The following SMG1 variants were observed in gnomAD, a reference collection of about 807,000 sequenced individuals.
SMG1 encodes serine/threonine-protein kinase SMG1.
Under a neutral mutation model 419.9 loss-of-function variants are expected in SMG1, and 22 were observed. The ratio of observed to expected loss-of-function variants is 0.05; its 90% CI spans 0.04 to 0.07. SMG1 has a LOEUF of 0.07. Among genes scored for constraint, SMG1 ranks in the 10% least tolerant of loss-of-function variants. The probability of loss-of-function intolerance (pLI) is 1.00; values close to 1 mark genes in which losing one functional copy is unlikely to be tolerated. For synonymous variants in SMG1, 1,538 were observed against 1,553.5 expected (o/e 0.99, Z 0.23); for missense variants, 3,185 against 4,342.0 (o/e 0.73, Z 7.49).
intron 62 of SMG1, 113 bp downstream of exon 62, chr16:18,811,648 A>G: frequency 1.0e-6 from 1 of 968,204 alleles, no homozygotes; most frequent in East Asian, 2.4e-5. Flanking sequence ...AATCCTGAAA[A>G]CACATTTAAG....
At chr16:18,837,516 T>C (rs1290803657) in intron 45 of SMG1, 73 bp from the exon 46 acceptor site, 2 of 1,293,768 alleles carry the variant, frequency 1.5e-6, no homozygotes, top group African/African-American at 1.5e-5. Context: ...CAGAAGAACA[T>C]TTTGCACATC....
At chr16:18,812,757 G>C (rs1410863378) in intron 60 of SMG1, among the ~76,000 whole-genome samples, 1 of 151,960 alleles carries the variant, frequency 6.6e-6, no homozygotes, top group Non-Finnish European at 1.5e-5. Context: ...TGCCATGTTG[G>C]TGTGCTGCAC....
intron 3 of SMG1, among the ~76,000 whole-genome samples, chr16:18,895,472 G>A (rs1246653052): frequency 7.0e-6 from 1 of 143,046 alleles, no homozygotes; most frequent in African/African-American, 2.6e-5. Context: ...GAGCAAGACT[G>A]TCTCAAAAAA....
chr16:18,829,557 C>G lies in SMG1; in HGVS notation c.9332G>C (p.Ser3111Thr), dbSNP rs2033015821. 6.2e-7 allele frequency: 1 copy of G among 1,613,904 alleles called. No homozygotes were observed. The highest frequency in any genetic ancestry group is 8.5e-7 in the Non-Finnish European group (1 of 1,179,900). Residue 3111 changes from serine to threonine, a missense_variant, in exon 54 of 63, where the codon AGT becomes ACT. Physicochemically the swap from Ser to Thr is moderately conservative, Grantham distance 58. Around this residue, in one of 27 missense-constraint regions of SMG1, gnomAD observed 737 missense variants for 846.6 expected, o/e 0.87. Coordinates refer to ENST00000446231, the MANE Select transcript of SMG1 (RefSeq NM_015092.5). ...ALGLTLCSFISALGVDIIAQV... is the reference protein window; with the variant it reads ...ALGLTLCSFITALGVDIIAQV... Reference sequence around the variant, plus strand: ...AGCAATGATGTCTACACCCAGAGCACTGATAAAACTGCACAGTGTGAGTCC... The same window carrying G: ...AGCAATGATGTCTACACCCAGAGCAGTGATAAAACTGCACAGTGTGAGTCC...
At chr16:18,811,740 C>A (rs367911681) in intron 62 of SMG1, 21 bp downstream of exon 62, 32 of 1,604,452 alleles carry the variant, frequency 2.0e-5, no homozygotes, top group Non-Finnish European at 2.6e-5. Context: ...AATGTGTAGC[C>A]CAAGTTTAAA....
intron 1 of SMG1, among the ~76,000 whole-genome samples, chr16:18,912,438 A>G (rs2037830612): frequency 6.6e-6 from 1 of 152,070 alleles, no homozygotes; most frequent in Admixed American, 6.6e-5. Flanking sequence ...ATCATACTAC[A>G]TTACACACAT....
intron 20 of SMG1, among the ~76,000 whole-genome samples, 153 bp from the exon 21 acceptor site, chr16:18,868,872 T>C (rs1388581873): frequency 2.0e-5 from 3 of 152,202 alleles, no homozygotes; most frequent in African/African-American, 7.2e-5. Context: ...TCTTTCATTT[T>C]AGGGGAAAGA....
At chr16:18,910,588 C>T (rs1193633792) in intron 1 of SMG1, among the ~76,000 whole-genome samples, 1 of 151,978 alleles carries the variant, frequency 6.6e-6, no homozygotes, top group African/African-American at 2.4e-5. Context: ...TGGTCTCCAA[C>T]TCCTGGGCTC....
intron 23 of SMG1, among the ~76,000 whole-genome samples, chr16:18,865,533 A>G (rs900111598): frequency 1.5e-5 from 2 of 133,278 alleles, no homozygotes; most frequent in Non-Finnish European, 3.0e-5. Context: ...ATTAAGTGCT[A>G]CGGTACATTT....
chr16:18,876,419 T>C (rs531493824), intron 12 of SMG1, 26 bp from the exon 13 acceptor site: 8 of 1,564,930 alleles, frequency 5.1e-6, no homozygotes, highest in Non-Finnish European at 6.9e-6. Flanking sequence ...TTCAAGGAAG[T>C]GATAAATGGA....
chr16:18,925,198 T>C (rs1019015943), intron 1 of SMG1: 7 of 152,342 alleles, frequency 4.6e-5, no homozygotes, highest in Admixed American at 2.0e-4. Flanking sequence ...ATGTTCCTAA[T>C]ATATTCAAAT....
Position 18,925,960 on chromosome 16 carries a change from A to G in SMG1, c.82T>C (p.Trp28Arg). The G allele has an allele frequency of 1.9e-6, 3 of 1,566,330 alleles. No homozygotes were observed. Among genetic ancestry groups the G allele is most frequent in the Non-Finnish European group, 2.6e-6 (3 of 1,162,604 alleles). ...GGGCCGGTCACCCACCTGGGTTGCC[A>G]GTCATTCCAGCTCCGCGGATACTTG... ...GTKYPRSWNDWQPRTDSASAD... is the reference protein window; with the variant it reads ...GTKYPRSWNDRQPRTDSASAD... Residue 28 changes from tryptophan (W) to arginine (R), a missense_variant, in exon 1 of 63, where the codon TGG becomes CGG. By Grantham distance (101) the Trp-to-Arg change is moderately radical. This residue lies in a region of SMG1 where 88 missense variants were observed against 85.9 expected (regional missense o/e 1.02). Coordinates refer to ENST00000446231, the MANE Select transcript of SMG1 (RefSeq NM_015092.5).
chr16:18,818,229 A>T (rs1190570776), intron 56 of SMG1, among the ~76,000 whole-genome samples: 5 of 152,110 alleles, frequency 3.3e-5, no homozygotes, highest in Non-Finnish European at 4.4e-5. Flanking sequence ...CTAAAAATAC[A>T]AAAAACTTAG....
At chr16:18,900,479 TAGAG>T (rs1010466393) in intron 1 of SMG1, among the ~76,000 whole-genome samples, 20 of 152,166 alleles carry the variant, frequency 1.3e-4, no homozygotes, top group Non-Finnish European at 2.4e-4. Context: ...TTGTAAGTAT[TAGAG>T]AGAAAAAGAG....
intron 22 of SMG1, among the ~76,000 whole-genome samples, chr16:18,867,514 A>C (rs2035577625): frequency 6.8e-6 from 1 of 146,436 alleles, no homozygotes; most frequent in Non-Finnish European, 1.5e-5. Flanking sequence ...ACAAAGTGAA[A>C]CTGTGTCTCA....
At chr16:18,878,279 A>G (rs2036230377) in intron 11 of SMG1, 1 of 151,334 alleles carries the variant, frequency 6.6e-6, no homozygotes, top group Non-Finnish European at 1.5e-5. Context: ...CCTGGGCAAA[A>G]GAGCGAGACT....
rs2036828999 is a variant in SMG1 at position 18,890,532 on chromosome 16, C to A, written c.608+331G>T. On this transcript the variant is annotated intron_variant, in intron 5 of 62. Transcript: ENST00000446231. ...GGCAGTGGTGGTGCACACCTGTAGT[C>A]CCAGCTACTTGGGAGGCTGAGGCAG... Among the ~76,000 whole-genome samples, 3 of 152,146 alleles carry A rather than the reference C, an allele frequency of 2.0e-5. No individual in the cohort carries two copies. The South Asian group carries it at 6.2e-4, about 32-fold the overall frequency.
chr16:18,837,606 C>T (rs2033657609), intron 45 of SMG1, among the ~76,000 whole-genome samples, 163 bp from the exon 46 acceptor site: 1 of 152,164 alleles, frequency 6.6e-6, no homozygotes, highest in Admixed American at 6.5e-5. Flanking sequence ...TTCAAGTTTA[C>T]ACAGGCATAA....
chr16:18,836,289 AC>A, intron 47 of SMG1, 70 bp downstream of exon 47: 1 of 1,590,372 alleles, frequency 6.3e-7, no homozygotes, highest in Non-Finnish European at 8.6e-7. Flanking sequence ...ACAAACCAGG[AC>A]CCCACACAAA....
Sources: gnomAD v4.1 joint callset for allele counts (sites outside exome capture counted in the v4.1 genomes callset) on GRCh38, gnomAD v4.1.1 for gene constraint, gnomAD v4.1.1 regional missense constraint, MANE v1.5 for transcripts, NCBI Gene and HGNC (gene_info 2026-07-23, HGNC 2026-07-21) for gene names.